The following LINGO2 variants were observed in gnomAD, a reference collection of about 807,000 sequenced individuals.
LINGO2 encodes the protein leucine rich repeat and Ig domain containing 2, also known as leucine-rich repeat and immunoglobulin-like domain-containing nogo receptor-interacting protein 2.
LINGO2 carries 14 observed loss-of-function variants against 30.6 expected under a neutral mutation model. The ratio of observed to expected loss-of-function variants is 0.46; its 90% CI spans 0.30 to 0.72. LINGO2 has a LOEUF of 0.72. LINGO2 is among the 30% of genes least tolerant of loss of function. The pLI, the probability that LINGO2 is intolerant of heterozygous loss-of-function variation, is 0.07. For missense variants in LINGO2, 729 were observed against 751.7 expected (o/e 0.97, Z 0.35); for synonymous variants, 317 against 288.5 (o/e 1.10, Z -1.00).
chr9:28,479,845 C>CTGCGTG (rs764459370), intron 1 of LINGO2, among the ~76,000 whole-genome samples: 1 of 60,148 alleles, frequency 1.7e-5, no homozygotes, highest in African/African-American at 5.3e-5. Context: ...ACCATGTCAT[C>CTGCGTG]TGTGTGTGTG....
intron 1 of LINGO2, among the ~76,000 whole-genome samples, chr9:28,477,701 G>C (rs763629413): frequency 2.0e-5 from 3 of 152,104 alleles, no homozygotes; most frequent in Non-Finnish European, 4.4e-5. Context: ...TATAGCAAGA[G>C]CTTTCTACCT....
chr9:27,953,896 G>T (rs1026479212), intron 5 of LINGO2, among the ~76,000 whole-genome samples: 1 of 152,106 alleles, frequency 6.6e-6, no homozygotes, highest in African/African-American at 2.4e-5. Context: ...ATACATACAT[G>T]TATGAAAGGA....
intron 1 of LINGO2, among the ~76,000 whole-genome samples, chr9:28,510,076 G>A (rs188193227): frequency 5.8e-4 from 88 of 152,324 alleles, no homozygotes; most frequent in African/African-American, 1.9e-3. Context: ...ATGTTCACTT[G>A]TTGATTAGGG....
chr9:28,694,833 G>C, the LINGO2 span, among the ~76,000 whole-genome samples: 1 of 151,854 alleles, frequency 6.6e-6, no homozygotes, highest in East Asian at 1.9e-4. Flanking sequence ...TTATGAGCTG[G>C]ATTCTTCTCT....
chr9:28,790,671 T>C, the LINGO2 span, among the ~76,000 whole-genome samples: 1 of 152,052 alleles, frequency 6.6e-6, no homozygotes, highest in Non-Finnish European at 1.5e-5. Context: ...TCGTCTCTCA[T>C]CATCACAAGA....
chr9:28,356,273 A>G (rs886622882), intron 3 of LINGO2, among the ~76,000 whole-genome samples: 1 of 152,122 alleles, frequency 6.6e-6, no homozygotes, highest in Non-Finnish European at 1.5e-5. Flanking sequence ...TCTAGTTCCA[A>G]GCAGGTATAT....
At chr9:28,458,428 C>T (rs1270344086) in intron 2 of LINGO2, among the ~76,000 whole-genome samples, 1 of 152,150 alleles carries the variant, frequency 6.6e-6, no homozygotes, top group South Asian at 2.1e-4. Flanking sequence ...ATGACAATTT[C>T]CACCTCTGCT....
At chr9:29,200,280 A>G in the LINGO2 span, among the ~76,000 whole-genome samples, 1 of 152,076 alleles carries the variant, frequency 6.6e-6, no homozygotes, top group South Asian at 2.1e-4. Flanking sequence ...GAAAAACGTA[A>G]TGTATTTCCA....
chr9:28,362,484 T>C (rs1333533648), intron 3 of LINGO2, among the ~76,000 whole-genome samples: 1 of 152,152 alleles, frequency 6.6e-6, no homozygotes, highest in Non-Finnish European at 1.5e-5. Flanking sequence ...TTTTTTCTTT[T>C]TTTGAGACTG....
chr9:28,673,709 T>A (rs1829111092), upstream of LINGO2, among the ~76,000 whole-genome samples: 1 of 123,772 alleles, frequency 8.1e-6, no homozygotes, highest in Admixed American at 8.6e-5. Flanking sequence ...TCATCATAAA[T>A]ATTGTTCAGA....
chr9:28,853,214 C>T, the LINGO2 span, among the ~76,000 whole-genome samples: 2 of 152,014 alleles, frequency 1.3e-5, no homozygotes, highest in African/African-American at 2.4e-5. Flanking sequence ...CTCTTGGGGA[C>T]CAGGAGATTA....
At chr9:28,153,429 T>C (rs1828052188) in intron 4 of LINGO2, among the ~76,000 whole-genome samples, 1 of 152,202 alleles carries the variant, frequency 6.6e-6, no homozygotes, top group South Asian at 2.1e-4. Flanking sequence ...CTAGATTATT[T>C]ATTGCTGTAA....
the LINGO2 span, among the ~76,000 whole-genome samples, chr9:28,938,684 T>C: frequency 2.6e-5 from 4 of 152,188 alleles, no homozygotes; most frequent in Admixed American, 2.6e-4. Context: ...GTTTGTAGCC[T>C]AGGAGCAATA....
chr9:27,981,563 A>C (rs1820872089), intron 5 of LINGO2, among the ~76,000 whole-genome samples: 3 of 129,398 alleles, frequency 2.3e-5, no homozygotes, highest in African/African-American at 8.2e-5. Context: ...AAAAAAAGAA[A>C]AAAAAAGAAA....
chr9:28,979,021 C>T, the LINGO2 span, among the ~76,000 whole-genome samples: 1 of 152,038 alleles, frequency 6.6e-6, no homozygotes, highest in Non-Finnish European at 1.5e-5. Flanking sequence ...AAAACAGAAA[C>T]TTCAATACTA....
chr9:28,261,376 C>T (rs907633644), intron 4 of LINGO2, among the ~76,000 whole-genome samples: 17 of 151,882 alleles, frequency 1.1e-4, no homozygotes, highest in Non-Finnish European at 1.8e-4. Flanking sequence ...TTTTTAAAGA[C>T]ACTCGTGACA....
chr9:29,088,686 C>A, the LINGO2 span, among the ~76,000 whole-genome samples: 1 of 152,082 alleles, frequency 6.6e-6, no homozygotes, highest in Non-Finnish European at 1.5e-5. Context: ...AGATATAACT[C>A]CAAATGTGAT....
rs555820756 is a variant in LINGO2 at position 28,633,662 on chromosome 9, T to C, written c.-365+36538A>G. On this transcript the variant is annotated intron_variant, in intron 1 of 5. Coordinates refer to ENST00000379992, the Ensembl canonical transcript of LINGO2. The stretch of plus-strand genomic sequence containing the variant: ...CAGGCCTGCCCTACTTCCTCTACTA[T>C]ATTAATAGGACTGAGACCTTCACAT... Among the ~76,000 whole-genome samples the C allele has an allele frequency of 9.2e-5, 14 of 152,276 alleles. No homozygotes were observed. The East Asian group carries it at 2.5e-3, about 27-fold the overall frequency.
intron 1 of LINGO2, among the ~76,000 whole-genome samples, chr9:28,553,552 G>T (rs989600214): frequency 4.6e-5 from 7 of 152,208 alleles, no homozygotes; most frequent in Admixed American, 6.5e-5. Flanking sequence ...GGGGAGAATG[G>T]AACCAAGTTG....
Sources: allele counts gnomAD v4.1 joint callset (sites outside exome capture counted in the v4.1 genomes callset), GRCh38; gene constraint gnomAD v4.1.1; transcripts MANE v1.5; gene names NCBI Gene and HGNC (gene_info 2026-07-23, HGNC 2026-07-21).